Variants in CENPT observed in about 807,000 individuals in gnomAD.
The protein encoded by CENPT is interphase centromere complex protein 22.
CENPT carries 42 observed loss-of-function variants against 59.7 expected under a neutral mutation model. The observed-to-expected ratio is 0.70, with a 90% CI of 0.55 to 0.91. CENPT has a LOEUF of 0.91. CENPT is among the 40% of genes least tolerant of loss of function. CENPT has a pLI of 0.00. For missense variants in CENPT, 716 were observed against 713.4 expected (o/e 1.00, Z -0.04); for synonymous variants, 295 against 289.6 (o/e 1.02, Z -0.19).
intron 11 of CENPT, 102 bp downstream of exon 11, chr16:67,830,288 G>C (rs2057673537): frequency 7.0e-7 from 1 of 1,432,124 alleles, no homozygotes; most frequent in African/African-American, 1.4e-5. Context: ...GCCACAGCCA[G>C]GGTGCTCTAG....
intron 3 of CENPT, 56 bp from the exon 4 acceptor site, chr16:67,834,156 T>G (rs1271349548): frequency 3.0e-6 from 1 of 330,394 alleles, no homozygotes; most frequent in Non-Finnish European, 5.5e-6. Context: ...TTCAAGGAGT[T>G]GATGTTTAAC....
chr16:67,843,250 A>G lies in CENPT; in HGVS notation c.-492+4151T>C. 6.2e-7 allele frequency: 1 copy of G among 1,612,382 alleles called. No individual in the cohort carries two copies. The highest frequency in any genetic ancestry group is 1.3e-5 in the African/African-American group (1 of 75,040). ...CTATGGGCCCCCAGTTGGTGGTGGT[A>G]GGGGAAGAGGGCTTCCCTGATACTG... On this transcript the variant is annotated intron_variant, in intron 1 of 15. Transcript: ENST00000562787. The surrounding 1 kb of genome is among the most constrained non-coding windows in gnomAD (Gnocchi z 5.7).
At chr16:67,828,949 G>A in intron 13 of CENPT, 106 bp from the exon 14 acceptor site, 1 of 1,253,126 alleles carries the variant, frequency 8.0e-7, no homozygotes, top group Non-Finnish European at 1.1e-6. Flanking sequence ...CGTGGCCCTT[G>A]GCCAGCCAGG....
rs1426846487 is a variant in CENPT at position 67,842,825 on chromosome 16, G to C, written c.-492+4576C>G. ...GCGCGGCGTCAATGAGCGCAAAGTA[G>C]CGCGCAGACCCGCTGGGGCCGCGGC... is the stretch of plus-strand genomic sequence containing the variant. On this transcript the variant is annotated intron_variant, in intron 1 of 15. Transcript: ENST00000562787. This position sits in a 1 kb window ranked among gnomAD's most constrained non-coding sequence, Gnocchi z 4.9. The C allele has an allele frequency of 1.9e-6, 3 of 1,610,106 alleles. No individual in the cohort carries two copies. Among genetic ancestry groups the C allele is most frequent in the South Asian group, 1.1e-5 (1 of 90,936 alleles).
At position 67,829,514 on chromosome 16, in the gene CENPT, T is replaced by A; in HGVS notation, c.1189A>T (p.Ser397Cys). 1 of 1,596,152 alleles carries A rather than the reference T, an allele frequency of 6.3e-7. No homozygotes were observed. The highest frequency in any genetic ancestry group is 2.2e-5 in the East Asian group (1 of 44,784). Reference protein sequence around the residue: ...GDEDASGRAASPESASSTPES... With the variant: ...GDEDASGRAACPESASSTPES... ...GGGGTGCTGGAGGCCGACTCTGGACTTGCTACAAAGAAGAAGGGTGGGGTC... is the reference window on the plus strand; with the variant it reads ...GGGGTGCTGGAGGCCGACTCTGGACATGCTACAAAGAAGAAGGGTGGGGTC... The change falls in exon 13 of 16, where the codon AGT becomes TGT. Residue 397 changes from serine to cysteine, a missense_variant and splice_region_variant. Transcript: ENST00000562787.
Position 67,842,748 on chromosome 16 carries a change from TC to T in CENPT, c.-492+4652del. ...GGCCACCGTCTCTGCAGCGTTCACTTCCAGGGCGGCCGCAAGACCTACACGG... is the reference window on the plus strand; with the variant it reads ...GGCCACCGTCTCTGCAGCGTTCACTTCAGGGCGGCCGCAAGACCTACACGG... On this transcript the variant is annotated intron_variant, in intron 1 of 15. Transcript: ENST00000562787. The surrounding 1 kb of genome is among the most constrained non-coding windows in gnomAD (Gnocchi z 4.9). The T allele has an allele frequency of 6.2e-7, 1 of 1,608,710 alleles. No homozygotes were observed.
chr16:67,844,795 T>C (rs919746897), intron 1 of CENPT, among the ~76,000 whole-genome samples: 1 of 151,314 alleles, frequency 6.6e-6, no homozygotes, highest in Non-Finnish European at 1.5e-5. Flanking sequence ...TTTTTTTTTT[T>C]ATTTTTTTTT....
chr16:67,846,161 T>C (rs1235962447), intron 1 of CENPT, among the ~76,000 whole-genome samples: 1 of 152,274 alleles, frequency 6.6e-6, no homozygotes, highest in African/African-American at 2.4e-5. Flanking sequence ...ATTTACAATC[T>C]GGTCACTTAA....
At chr16:67,847,030 G>A (rs1231330155) in intron 1 of CENPT, 13 of 151,794 alleles carry the variant, frequency 8.6e-5, no homozygotes, top group Admixed American at 8.5e-4. Context: ...TGGGCCGCAG[G>A]AGCCGCTCTC....
chr16:67,831,713 C>A (rs778553356), intron 8 of CENPT, 41 bp downstream of exon 8: 1 of 1,592,510 alleles, frequency 6.3e-7, no homozygotes, highest in East Asian at 2.2e-5. Flanking sequence ...CTCCAGAGGA[C>A]AGGAGGGAGA....
intron 10 of CENPT, 119 bp from the exon 11 acceptor site, chr16:67,830,667 G>A: frequency 9.9e-7 from 1 of 1,009,536 alleles, no homozygotes; most frequent in Non-Finnish European, 1.5e-6. Context: ...CTGGACAGTG[G>A]GCTGCATGGG....
Position 67,842,355 on chromosome 16 carries a change from G to T in CENPT, c.-492+5046C>A. 4.7e-6 allele frequency: 1 copy of T among 214,236 alleles called. No individual in the cohort carries two copies. Among genetic ancestry groups the T allele is most frequent in the South Asian group, 1.8e-4 (1 of 5,692 alleles). The allele number at this position is 214,236 out of a possible 1,614,324, so 13.3% of individuals were successfully genotyped here. A position where few individuals can be genotyped will look rare whatever the true frequency, so the allele number is the denominator to read the frequency against. ...CCCGAGCGCAGGCGGGCAGCCAGGC[G>T]GGCGGCGCGGCGCGGGCCGGCAGGA... On this transcript the variant is annotated intron_variant, in intron 1 of 15. Coordinates refer to ENST00000562787, the MANE Select transcript of CENPT (RefSeq NM_025082.4). This position sits in a 1 kb window ranked among gnomAD's most constrained non-coding sequence, Gnocchi z 4.9.
In CENPT at chr16:67,831,866, G is replaced by C. The variant is rs760752826; in HGVS notation, c.411C>G (p.Leu137=). ...CTGGAGCCAGGGTTGTGGGGGGCTC[G>C]AGCTCAGGAAGTTGCAGCTCCAGGC... ...CGSLELQLPE[L]EPPTTLAPGL... Residue 137 remains leucine, a synonymous_variant, in exon 8 of 16, where the codon CTC becomes CTG. Coordinates refer to ENST00000562787, the MANE Select transcript of CENPT (RefSeq NM_025082.4). 6.2e-7 allele frequency: 1 copy of C among 1,611,710 alleles called. No individual in the cohort carries two copies. Among genetic ancestry groups the C allele is most frequent in the Admixed American group, 1.7e-5 (1 of 59,538 alleles).
intron 1 of CENPT, chr16:67,841,971 G>C (rs1282408504): frequency 1.3e-5 from 2 of 152,292 alleles, no homozygotes; most frequent in East Asian, 3.9e-4. Context: ...GCGCTTCGGA[G>C]GGAAGGCGCC....
At position 67,828,840 on chromosome 16, in the gene CENPT, T is replaced by G; in HGVS notation, c.1284A>C (p.Leu428Phe). 1 of 1,579,612 alleles carries G rather than the reference T, an allele frequency of 6.3e-7. No individual in the cohort carries two copies. The highest frequency in any genetic ancestry group is 8.5e-7 in the Non-Finnish European group (1 of 1,170,580). The change falls in exon 14 of 16, where the codon TTA (leucine) becomes TTC (phenylalanine). Residue 428 changes from leucine to phenylalanine, a missense_variant. Leu to Phe is a conservative substitution (Grantham distance 22). Coordinates refer to ENST00000562787, the MANE Select transcript of CENPT (RefSeq NM_025082.4). The part of the protein sequence containing the change: ...EPAPAPGAAV[L>F]SSEPAEPLLV... ...ACAGAGGCTCTGCAGGCTCTGAAGA[T>G]AAGCTGAGGGCAACAGTGGACAGAG... is the stretch of plus-strand genomic sequence containing the variant.
In CENPT at chr16:67,842,872, GCAA is replaced by G. The variant is rs769626307; in HGVS notation, c.-492+4526_-492+4528del. 2.0e-5 allele frequency: 32 copies of G among 1,604,540 alleles called. No individual in the cohort carries two copies. The highest frequency in any genetic ancestry group is 3.4e-4 in the Middle Eastern group (2 of 5,908). On this transcript the variant is annotated intron_variant, in intron 1 of 15. Coordinates refer to ENST00000562787, the MANE Select transcript of CENPT (RefSeq NM_025082.4). This position sits in a 1 kb window ranked among gnomAD's most constrained non-coding sequence, Gnocchi z 4.9. ...CGGCCGCCCGCCGCAGGCAGCAGCAGCAACAGCAGCAGCAGCAGCAACAGCAGC... is the reference window on the plus strand; with the variant it reads ...CGGCCGCCCGCCGCAGGCAGCAGCAGCAGCAGCAGCAGCAGCAACAGCAGC...
Position 67,829,491 on chromosome 16 carries a change from G to A in CENPT, c.1212C>T (p.Thr404=), listed in dbSNP as rs1168055357. ...GTCGCCTGGCCTGGAGAGACTCAGG[G>A]GTGCTGGAGGCCGACTCTGGACTTG... The part of the protein sequence containing the change: ...RAASPESASS[T]PESLQARRHH... Residue 404 remains threonine, a synonymous_variant, in exon 13 of 16, where the codon ACC becomes ACT. Transcript: ENST00000562787. 4 of 1,593,042 alleles carry A rather than the reference G, an allele frequency of 2.5e-6. No homozygotes were observed. Among genetic ancestry groups the A allele is most frequent in the Non-Finnish European group, 2.6e-6 (3 of 1,174,740 alleles).
chr16:67,841,233 A>G (rs1342407264), intron 1 of CENPT, among the ~76,000 whole-genome samples: 4 of 150,352 alleles, frequency 2.7e-5, no homozygotes. Context: ...ATTCCCTCAA[A>G]TAAGTTGAGG....
In CENPT at chr16:67,833,874, G is replaced by T; in HGVS notation, c.-15C>A. 3 of 1,485,964 alleles carry T rather than the reference G, an allele frequency of 2.0e-6. No individual in the cohort carries two copies. The highest frequency in any genetic ancestry group is 1.8e-6 in the Non-Finnish European group (2 of 1,119,992). The allele number at this position is 1,485,964 out of a possible 1,614,324, so 92.0% of individuals were successfully genotyped here. A position where few individuals can be genotyped will look rare whatever the true frequency, so the allele number is the denominator to read the frequency against. On this transcript the variant is annotated 5_prime_UTR_variant, in exon 4 of 16. Transcript: ENST00000562787. ...TGGTCAGCCATCGTCTCGGCCCCGGGCCCTCCTAACCGCCCAGCCAGCTGC... is the reference window on the plus strand; with the variant it reads ...TGGTCAGCCATCGTCTCGGCCCCGGTCCCTCCTAACCGCCCAGCCAGCTGC...
Sources: gnomAD v4.1 joint callset for allele counts (sites outside exome capture counted in the v4.1 genomes callset) on GRCh38, gnomAD v4.1.1 for gene constraint, Gnocchi (gnomAD v3.1) non-coding constraint, MANE v1.5 for transcripts, NCBI Gene and HGNC (gene_info 2026-07-23, HGNC 2026-07-21) for gene names.